DBNL: variants seen among roughly 807,000 people sequenced by gnomAD.
DBNL encodes the protein drebrin like.
A neutral mutation model predicts 62.2 loss-of-function variants in DBNL; 35 were observed. The ratio of observed to expected loss-of-function variants is 0.56; its 90% confidence interval spans 0.43 to 0.75. DBNL has a LOEUF of 0.75. DBNL is among the 30% of genes least tolerant of loss of function. The pLI is 0.00. For synonymous variants in DBNL, 197 were observed against 218.0 expected, an observed-to-expected ratio of 0.90 and a Z score of 0.85; for missense variants, 495 against 578.4, an observed-to-expected ratio of 0.86 and a Z score of 1.48.
At position 44,062,698 on chromosome 7, in the gene DBNL, G is replaced by A. The variant is rs2096151416; in HGVS notation, c.*1782G>A. On this transcript the variant is annotated 3_prime_UTR_variant, in exon 13 of 13. Transcript: ENST00000448521. ...CCACAGCTGATGGCGGTGTGAGCCT[G>A]GCATGCACGGCTGCGCTGGACTCCA... The A allele has an allele frequency of 1.3e-6, 2 of 1,544,070 alleles. No homozygotes were observed. Among genetic ancestry groups the A allele is most frequent in the African/African-American group, 1.4e-5 (1 of 73,584 alleles).
At chr7:44,050,086 T>G in intron 1 of DBNL, 139 bp from the exon 2 acceptor site, 1 of 889,938 alleles carries the variant, frequency 1.1e-6, no homozygotes, top group Non-Finnish European at 1.8e-6. Flanking sequence ...CAGAGCAAAG[T>G]GAGAACGGGC....
chr7:44,065,254 G>A lies in DBNL; in HGVS notation c.*4338G>A, dbSNP rs201201589. ...CCTTGTTGAGGCCTGTGAGGCCCCCGTAATGCCGCTCATTGAGGCGCCAAG... is the reference window on the plus strand; with the variant it reads ...CCTTGTTGAGGCCTGTGAGGCCCCCATAATGCCGCTCATTGAGGCGCCAAG... On this transcript the variant is annotated 3_prime_UTR_variant, in exon 13 of 13. Transcript: ENST00000448521. The A allele has an allele frequency of 1.1e-5, 18 of 1,613,756 alleles. No homozygotes were observed. The highest frequency in any genetic ancestry group is 6.7e-5 in the East Asian group (3 of 44,880).
Position 44,058,883 on chromosome 7 carries a change from A to C in DBNL, c.754-19A>C. Reference sequence around the variant, plus strand: ...GAAGGTTTTGCCCACTGCAGGGGTCAACATGTGCTTCCCTCCAGGAGTCTG... The same window carrying C: ...GAAGGTTTTGCCCACTGCAGGGGTCCACATGTGCTTCCCTCCAGGAGTCTG... On this transcript the variant is annotated intron_variant, in intron 8 of 12. Transcript: ENST00000448521. 1.2e-6 allele frequency: 2 copies of C among 1,613,860 alleles called. No homozygotes were observed. The highest frequency in any genetic ancestry group is 1.7e-6 in the Non-Finnish European group (2 of 1,179,916).
At chr7:44,046,399 C>T (rs966660397) in intron 1 of DBNL, among the ~76,000 whole-genome samples, 8 of 152,188 alleles carry the variant, frequency 5.3e-5, no homozygotes, top group African/African-American at 1.7e-4. Flanking sequence ...CCTCCCAGCC[C>T]ACCTGGCAGT....
chr7:44,051,861 C>A lies in DBNL; in HGVS notation c.171C>A (p.Leu57=). Residue 57 remains leucine (L), a synonymous_variant, in exon 3 of 13, where the codon CTC becomes CTA. Transcript: ENST00000448521. ...GCCTGGAGGAGATGGTGGAGGAGCT[C>A]AACAGCGGGAAGGTGATGTACGCCT... ...EGGLEEMVEE[L]NSGKVMYAFC... is the part of the protein sequence containing the mutation. The A allele has an allele frequency of 6.2e-7, 1 of 1,614,098 alleles. No individual in the cohort carries two copies.
At chr7:44,057,880 T>C in intron 6 of DBNL, 21 bp downstream of exon 6, 1 of 1,614,034 alleles carries the variant, frequency 6.2e-7, no homozygotes, top group Non-Finnish European at 8.5e-7. Context: ...CCCCGGGGCA[T>C]GCTGGGCACG....
In DBNL at chr7:44,064,666, A is replaced by G. The variant is rs1393326245; in HGVS notation, c.*3750A>G. 1.5e-6 allele frequency: 1 copy of G among 670,844 alleles called. No individual in the cohort carries two copies. Among genetic ancestry groups the G allele is most frequent in the Non-Finnish European group, 2.6e-6 (1 of 386,838 alleles). 41.6% of individuals were successfully genotyped at this position (670,844 alleles called of 1,614,324 possible). On this transcript the variant is annotated 3_prime_UTR_variant, in exon 13 of 13. Coordinates refer to ENST00000448521, the MANE Select transcript of DBNL (RefSeq NM_001014436.3). ...TCCCAGTTACACAGAAATGGGGAAA[A>G]TTTCACAAAACTAAAAAATGGCTTC...
At position 44,064,735 on chromosome 7, in the gene DBNL, G is replaced by C; in HGVS notation, c.*3819G>C. On this transcript the variant is annotated 3_prime_UTR_variant, in exon 13 of 13. Coordinates refer to ENST00000448521, the MANE Select transcript of DBNL (RefSeq NM_001014436.3). ...TGAATGATGTGGAGCCCCACGCCTA[G>C]AAAGCCTGGTCCATGGGCGAGAGAC... 1 of 1,111,922 alleles carries C rather than the reference G, an allele frequency of 9.0e-7. No individual in the cohort carries two copies. The highest frequency in any genetic ancestry group is 1.3e-6 in the Non-Finnish European group (1 of 762,342). 68.9% of individuals were successfully genotyped at this position (1,111,922 alleles called of 1,614,324 possible).
Position 44,064,648 on chromosome 7 carries a change from T to TAA in DBNL, c.*3733_*3734insAA. ...CAGCCCCTGTGGAGTGTGTCCCAGTTACACAGAAATGGGGAAAATTTCACA... is the reference window on the plus strand; with the variant it reads ...CAGCCCCTGTGGAGTGTGTCCCAGTTAAACACAGAAATGGGGAAAATTTCACA... On this transcript the variant is annotated 3_prime_UTR_variant, in exon 13 of 13. Coordinates refer to ENST00000448521, the MANE Select transcript of DBNL (RefSeq NM_001014436.3). 1.6e-6 allele frequency: 1 copy of TAA among 636,442 alleles called. No individual in the cohort carries two copies. The highest frequency in any genetic ancestry group is 2.8e-6 in the Non-Finnish European group (1 of 357,228). 39.4% of individuals were successfully genotyped at this position (636,442 alleles called of 1,614,324 possible). A position where few individuals can be genotyped will look rare whatever the true frequency, so the allele number is the denominator to read the frequency against.
At position 44,056,917 on chromosome 7, in the gene DBNL, G is replaced by T; in HGVS notation, c.474+14G>T. 6.2e-7 allele frequency: 1 copy of T among 1,613,066 alleles called. No homozygotes were observed. The highest frequency in any genetic ancestry group is 8.5e-7 in the Non-Finnish European group (1 of 1,179,604). On this transcript the variant is annotated intron_variant, in intron 5 of 12. Transcript: ENST00000448521. Reference sequence around the variant, plus strand: ...CAGGCCCCAGTGGTGAGTGCTGCTTGCCCATCGCCAGCCCTTTTGTTGCTC... The same window carrying T: ...CAGGCCCCAGTGGTGAGTGCTGCTTTCCCATCGCCAGCCCTTTTGTTGCTC...
At chr7:44,058,821 C>T (rs777429914) in intron 8 of DBNL, 81 bp from the exon 9 acceptor site, 89 of 1,541,060 alleles carry the variant, frequency 5.8e-5, no homozygotes, top group Admixed American at 1.4e-4. Flanking sequence ...GCTACTGGGC[C>T]GACAGCTGGA....
Position 44,064,530 on chromosome 7 carries a change from C to T in DBNL, c.*3614C>T, listed in dbSNP as rs1272731714. ...GGGATTTGGAGCCAGATGCTCTAAG[C>T]CCAGCCCTTCCGTTTCCTAGCTGGG... On this transcript the variant is annotated 3_prime_UTR_variant, in exon 13 of 13. Coordinates refer to ENST00000448521, the MANE Select transcript of DBNL (RefSeq NM_001014436.3). 1 of 449,946 alleles carries T rather than the reference C, an allele frequency of 2.2e-6. No individual in the cohort carries two copies. The highest frequency in any genetic ancestry group is 2.0e-5 in the African/African-American group (1 of 50,292). The allele number at this position is 449,946 out of a possible 1,614,324, so 27.9% of individuals were successfully genotyped here.
chr7:44,059,786 G>A lies in DBNL; in HGVS notation c.1047+128G>A. ...GCACATGCATTTTTGGAGCAGCCCT[G>A]TGTTATAAATTGTCAGGGCACGCCC... On this transcript the variant is annotated intron_variant, in intron 11 of 12. Coordinates refer to ENST00000448521, the MANE Select transcript of DBNL (RefSeq NM_001014436.3). The surrounding 1 kb of genome is among the most constrained non-coding windows in gnomAD (Gnocchi z 4.1). The A allele has an allele frequency of 1.0e-6, 1 of 998,164 alleles. No homozygotes were observed. The highest frequency in any genetic ancestry group is 1.5e-6 in the Non-Finnish European group (1 of 687,718). The allele number at this position is 998,164 out of a possible 1,614,324, so 61.8% of individuals were successfully genotyped here. A position where few individuals can be genotyped will look rare whatever the true frequency, so the allele number is the denominator to read the frequency against.
At position 44,059,702 on chromosome 7, in the gene DBNL, C is replaced by A; in HGVS notation, c.1047+44C>A. 6.6e-7 allele frequency: 1 copy of A among 1,517,792 alleles called. No homozygotes were observed. Among genetic ancestry groups the A allele is most frequent in the South Asian group, 1.2e-5 (1 of 83,718 alleles). The allele number at this position is 1,517,792 out of a possible 1,614,324, so 94.0% of individuals were successfully genotyped here. A position where few individuals can be genotyped will look rare whatever the true frequency, so the allele number is the denominator to read the frequency against. On this transcript the variant is annotated intron_variant, in intron 11 of 12. Coordinates refer to ENST00000448521, the MANE Select transcript of DBNL (RefSeq NM_001014436.3). This position sits in a 1 kb window ranked among gnomAD's most constrained non-coding sequence, Gnocchi z 4.1. ...GCTGGGGCCAGGAAGGGGCTGCATA[C>A]TCAGGAACACTTATCACGGGCCGCC... is the stretch of plus-strand genomic sequence containing the variant.
In DBNL at chr7:44,065,406, C is replaced by T; in HGVS notation, c.*4490C>T. 1 of 1,614,134 alleles carries T rather than the reference C, an allele frequency of 6.2e-7. No homozygotes were observed. Among genetic ancestry groups the T allele is most frequent in the Non-Finnish European group, 8.5e-7 (1 of 1,180,044 alleles). On this transcript the variant is annotated 3_prime_UTR_variant, in exon 13 of 13. Coordinates refer to ENST00000448521, the MANE Select transcript of DBNL (RefSeq NM_001014436.3). ...ATCTTGGCATCCTTGATGGCCTTGG[C>T]TCCCCGCTTGGCCTCCTCGGTCCCC...
At chr7:44,056,591 G>T (rs1297863289) in intron 4 of DBNL, 166 bp from the exon 5 acceptor site, 27 of 989,166 alleles carry the variant, frequency 2.7e-5, no homozygotes, top group South Asian at 5.2e-5. Flanking sequence ...TTGAGCCCTT[G>T]AGGGGAACTC....
At position 44,060,013 on chromosome 7, in the gene DBNL, G is replaced by C; in HGVS notation, c.1048-35G>C. 1 of 1,596,698 alleles carries C rather than the reference G, an allele frequency of 6.3e-7. No individual in the cohort carries two copies. Among genetic ancestry groups the C allele is most frequent in the Non-Finnish European group, 8.6e-7 (1 of 1,167,008 alleles). Reference sequence around the variant, plus strand: ...AGAGCAGCGATTGTGTGTAAGGGCTGAGTCTGGGGTAACACCTTTGTCATC... The same window carrying C: ...AGAGCAGCGATTGTGTGTAAGGGCTCAGTCTGGGGTAACACCTTTGTCATC... On this transcript the variant is annotated intron_variant, in intron 11 of 12. Transcript: ENST00000448521. The surrounding 1 kb of genome is among the most constrained non-coding windows in gnomAD (Gnocchi z 6.3).
At chr7:44,048,715 C>T (rs2096121484) in intron 1 of DBNL, among the ~76,000 whole-genome samples, 1 of 152,254 alleles carries the variant, frequency 6.6e-6, no homozygotes, top group South Asian at 2.1e-4. Flanking sequence ...ATGACACACA[C>T]TGGACTGGGT....
chr7:44,044,897 G>A, intron 1 of DBNL, 77 bp downstream of exon 1: 1 of 1,314,474 alleles, frequency 7.6e-7, no homozygotes, highest in Non-Finnish European at 9.8e-7. Flanking sequence ...CGGGGGACTC[G>A]GGGGGAGCGG....
Sources: gnomAD v4.1 joint callset for allele counts (sites outside exome capture counted in the v4.1 genomes callset) on GRCh38, gnomAD v4.1.1 for gene constraint, Gnocchi (gnomAD v3.1) non-coding constraint, MANE v1.5 for transcripts, NCBI Gene and HGNC (gene_info 2026-07-23, HGNC 2026-07-21) for gene names.